SPAG17: variants seen among roughly 807,000 people sequenced by gnomAD.
The protein encoded by SPAG17 is sperm associated antigen 17.
SPAG17 carries 169 observed loss-of-function variants against 273.6 expected under a neutral mutation model. The observed-to-expected ratio is 0.62, with a 90% CI of 0.55 to 0.70. The LOEUF (loss-of-function observed/expected upper bound fraction) is 0.70, where lower values mean the gene tolerates loss of function less well. SPAG17 is among the 30% of genes least tolerant of loss of function. The pLI, the probability that SPAG17 is intolerant of heterozygous loss-of-function variation, is 0.00. For synonymous variants in SPAG17, 825 were observed against 873.2 expected (o/e 0.94, Z 0.97); for missense variants, 2,557 against 2,627.8 (o/e 0.97, Z 0.59).
rs542584357 is a variant in SPAG17, at chr1:118,103,386, T to TATTC, written c.448-1464_448-1461dup. Among the ~76,000 whole-genome samples, 160 of 152,340 alleles carry TATTC rather than the reference T, an allele frequency of 1.1e-3. 2 individuals are homozygous for TATTC. The highest frequency in any genetic ancestry group is 3.7e-3 in the African/African-American group (152 of 41,578). Reference sequence around the variant, plus strand: ...AATGTATGGGATGCTGGTATTCATCTATTCATTCATTCATTCAGTGAATAT... The same window carrying TATTC: ...AATGTATGGGATGCTGGTATTCATCTATTCATTCATTCATTCATTCAGTGAATAT... On this transcript the variant is annotated intron_variant, in intron 4 of 48. Coordinates refer to ENST00000336338, the MANE Select transcript of SPAG17 (RefSeq NM_206996.4).
At chr1:118,156,896 CAGCACACAGT>C (rs1350296018) in intron 1 of SPAG17, among the ~76,000 whole-genome samples, 1 of 151,888 alleles carries the variant, frequency 6.6e-6, no homozygotes, top group African/African-American at 2.4e-5. Flanking sequence ...CAGACTGAAG[CAGCACACAGT>C]GTGTGCTGTC....
At chr1:117,973,390 TG>T in intron 44 of SPAG17, 34 bp downstream of exon 44, 1 of 1,598,746 alleles carries the variant, frequency 6.3e-7, no homozygotes, top group Non-Finnish European at 8.5e-7. Flanking sequence ...AAATGCTGAT[TG>T]GCTGTGGGGA....
chr1:117,969,609 CAA>C (rs1484252971), intron 46 of SPAG17, among the ~76,000 whole-genome samples: 6 of 151,966 alleles, frequency 3.9e-5, no homozygotes, highest in South Asian at 2.1e-4. Flanking sequence ...TATAAATAAA[CAA>C]ATATGATTTC....
chr1:118,012,906 A>G (rs911578084), intron 29 of SPAG17, among the ~76,000 whole-genome samples: 1 of 152,182 alleles, frequency 6.6e-6, no homozygotes, highest in Non-Finnish European at 1.5e-5. Flanking sequence ...CTGTGCATGT[A>G]TCTGCTGCTC....
chr1:118,131,245 T>A (rs1419834514), intron 3 of SPAG17, among the ~76,000 whole-genome samples: 1 of 152,212 alleles, frequency 6.6e-6, no homozygotes, highest in Non-Finnish European at 1.5e-5. Flanking sequence ...TCACTCCATT[T>A]CAGCTCCACT....
At chr1:118,116,242 T>C (rs552335975) in intron 3 of SPAG17, among the ~76,000 whole-genome samples, 5 of 152,318 alleles carry the variant, frequency 3.3e-5, no homozygotes, top group African/African-American at 1.2e-4. Context: ...AAATATACCA[T>C]AAAAAGTTGT....
chr1:118,017,339 G>T (rs982391675), intron 28 of SPAG17, among the ~76,000 whole-genome samples: 4 of 151,920 alleles, frequency 2.6e-5, no homozygotes, highest in Non-Finnish European at 5.9e-5. Flanking sequence ...GTGAGCTATG[G>T]AAAGGGCATT....
chr1:118,065,791 T>C (rs1438889844), intron 18 of SPAG17, among the ~76,000 whole-genome samples: 1 of 152,086 alleles, frequency 6.6e-6, no homozygotes, highest in Non-Finnish European at 1.5e-5. Context: ...AATAGTTTTT[T>C]TAACTTAATA....
intron 1 of SPAG17, among the ~76,000 whole-genome samples, chr1:118,182,662 G>A (rs1055302414): frequency 3.3e-5 from 5 of 152,156 alleles, no homozygotes; most frequent in Admixed American, 3.3e-4. Flanking sequence ...CCCAGAAGTG[G>A]TCTAACGTAC....
intron 1 of SPAG17, among the ~76,000 whole-genome samples, chr1:118,180,061 C>T (rs1660871887): frequency 6.6e-6 from 1 of 151,922 alleles, no homozygotes; most frequent in Non-Finnish European, 1.5e-5. Flanking sequence ...AATAGTAGAA[C>T]TACCATATAA....
chr1:118,085,943 G>T lies in SPAG17; in HGVS notation c.1741C>A (p.Leu581Ile). 6.2e-7 allele frequency: 1 copy of T among 1,608,768 alleles called. No individual in the cohort carries two copies. The highest frequency in any genetic ancestry group is 8.5e-7 in the Non-Finnish European group (1 of 1,178,216). Residue 581 changes from leucine (L) to isoleucine (I), a missense_variant, in exon 13 of 49, where the codon CTT becomes ATT. By Grantham distance (5) the Leu-to-Ile change is conservative. Transcript: ENST00000336338. ...NTKRLATIHELMHFCTSDVLS... is the reference protein window; with the variant it reads ...NTKRLATIHEIMHFCTSDVLS... ...TCACCACTCGTACAAAAGTGCATAA[G>T]CTCATGAATTGTAGCTAGACGTTTA... is the stretch of plus-strand genomic sequence containing the variant.
At chr1:118,144,494 C>T (rs903533265) in intron 3 of SPAG17, among the ~76,000 whole-genome samples, 10 of 152,144 alleles carry the variant, frequency 6.6e-5, no homozygotes, top group Non-Finnish European at 1.0e-4. Context: ...TTTTTATAGT[C>T]CCAACGTAGC....
chr1:118,044,821 C>T (rs1468800731), intron 20 of SPAG17, among the ~76,000 whole-genome samples: 1 of 152,170 alleles, frequency 6.6e-6, no homozygotes. Flanking sequence ...GATGTGCCTG[C>T]CTCCCCTTCC....
chr1:118,172,707 G>A (rs1470454227), intron 1 of SPAG17, among the ~76,000 whole-genome samples: 1 of 152,032 alleles, frequency 6.6e-6, no homozygotes, highest in Non-Finnish European at 1.5e-5. Flanking sequence ...ATATTTTAAT[G>A]AAAAAAATTT....
rs914882419 is a variant in SPAG17 at position 117,975,900 on chromosome 1, T to A, written c.6005-2339A>T. Among the ~76,000 whole-genome samples the A allele has an allele frequency of 2.0e-5, 3 of 152,344 alleles. No individual in the cohort carries two copies. In the East Asian group the frequency reaches 5.8e-4, roughly 29 times the overall value. Reference sequence around the variant, plus strand: ...TACTAATTTGTTGCTCATACTATTATTATTAATAGTAAATATGGTATGGAG... The same window carrying A: ...TACTAATTTGTTGCTCATACTATTAATATTAATAGTAAATATGGTATGGAG... On this transcript the variant is annotated intron_variant, in intron 43 of 48. Transcript: ENST00000336338.
chr1:118,076,973 C>G (rs1654154063), intron 15 of SPAG17, among the ~76,000 whole-genome samples: 1 of 152,074 alleles, frequency 6.6e-6, no homozygotes, highest in South Asian at 2.1e-4. Context: ...TCAGGTTTTT[C>G]ATAAATATCC....
At chr1:118,041,435 C>T (rs1297142251) in intron 21 of SPAG17, among the ~76,000 whole-genome samples, 5 of 151,900 alleles carry the variant, frequency 3.3e-5, no homozygotes, top group Admixed American at 2.0e-4. Context: ...AACATGATTG[C>T]CCACAGAGAC....
At chr1:118,025,454 T>C (rs369049269) in intron 26 of SPAG17, 38 bp from the exon 27 acceptor site, 16 of 1,370,488 alleles carry the variant, frequency 1.2e-5, no homozygotes, top group Non-Finnish European at 1.6e-5. Flanking sequence ...AACTGGACAA[T>C]GCTGCAGGGC....
At chr1:117,960,131 TG>T (rs2101344006) in intron 48 of SPAG17, 1 of 151,040 alleles carries the variant, frequency 6.6e-6, no homozygotes, top group Non-Finnish European at 1.5e-5. Context: ...TGTGTGTGTG[TG>T]TGTGTGTGTG....
Sources: gnomAD v4.1 joint callset for allele counts (sites outside exome capture counted in the v4.1 genomes callset) on GRCh38, gnomAD v4.1.1 for gene constraint, MANE v1.5 for transcripts, NCBI Gene and HGNC (gene_info 2026-07-23, HGNC 2026-07-21) for gene names.